Variants in TMEM164 observed in about 807,000 individuals in gnomAD.
TMEM164 encodes the protein transmembrane protein 164.
TMEM164 carries 4 observed loss-of-function variants against 18.8 expected under a neutral mutation model. The ratio of observed to expected loss-of-function variants is 0.21; its 90% CI spans 0.10 to 0.49. The LOEUF (loss-of-function observed/expected upper bound fraction) is 0.49. TMEM164 is among the 20% of genes least tolerant of loss of function. The pLI, the probability that TMEM164 is intolerant of heterozygous loss-of-function variation, is 0.98. For synonymous variants in TMEM164, 86 were observed against 101.7 expected (o/e 0.85, Z 0.93); for missense variants, 108 against 239.9 (o/e 0.45, Z 3.63).
intron 2 of TMEM164, among the ~76,000 whole-genome samples, chrX:110,056,941 TTA>T (rs3082794): frequency 6.7e-4 from 72 of 107,575 alleles, no homozygotes; most frequent in African/African-American, 2.2e-3. Flanking sequence ...AACTTAATGA[TTA>T]TATATATATA....
intron 5 of TMEM164, among the ~76,000 whole-genome samples, chrX:110,161,339 T>C (rs2067091239): frequency 9.0e-6 from 1 of 111,536 alleles, no homozygotes; most frequent in Non-Finnish European, 1.9e-5. Flanking sequence ...GTTAGAGAAG[T>C]TCCCCTCTTC....
In TMEM164 at chrX:110,031,610, G is replaced by T. The variant is rs149154528; in HGVS notation, c.390+27446G>T. Among the ~76,000 whole-genome samples, 988 of 111,620 alleles carry T rather than the reference G, an allele frequency of 8.9e-3. 17 individuals are homozygous for T. The highest frequency in any genetic ancestry group is 0.03 in the African/African-American group (932 of 30,771). On this transcript the variant is annotated intron_variant, in intron 2 of 6. Transcript: ENST00000372068. Reference sequence around the variant, plus strand: ...AGTGCTAGAATTACAGGCATGAGCTGCAGTGCCCTTCCCTAGTCCTCCTTT... The same window carrying T: ...AGTGCTAGAATTACAGGCATGAGCTTCAGTGCCCTTCCCTAGTCCTCCTTT...
chrX:110,159,003 A>C (rs2067055602), intron 5 of TMEM164, among the ~76,000 whole-genome samples: 1 of 112,423 alleles, frequency 8.9e-6, no homozygotes, highest in Non-Finnish European at 1.9e-5. Flanking sequence ...TGCTTATAAC[A>C]GTCCCTGTCA....
intron 4 of TMEM164, among the ~76,000 whole-genome samples, chrX:110,110,794 G>A (rs997736622): frequency 1.2e-4 from 13 of 112,189 alleles, no homozygotes; most frequent in Non-Finnish European, 2.3e-4. Context: ...CCAGGTGTTC[G>A]TAACTCACAG....
intron 4 of TMEM164, among the ~76,000 whole-genome samples, chrX:110,141,851 T>TACATCTTCTTCCCTTTCTCTC (rs1277077990): frequency 9.0e-6 from 1 of 111,648 alleles, no homozygotes; most frequent in African/African-American, 3.2e-5. Context: ...CCCTTTCTCT[T>TACATCTTCTTCCCTTTCTCTC]ACATCTTCTT....
intron 4 of TMEM164, among the ~76,000 whole-genome samples, chrX:110,131,154 A>G (rs1192784369): frequency 8.9e-6 from 1 of 112,051 alleles, no homozygotes; most frequent in Admixed American, 9.4e-5. Flanking sequence ...AATGACTGCC[A>G]GGCCCACTGG....
At chrX:110,091,480 G>GT (rs1255361343) in intron 3 of TMEM164, among the ~76,000 whole-genome samples, 1 of 112,251 alleles carries the variant, frequency 8.9e-6, no homozygotes, top group African/African-American at 3.2e-5. Context: ...ATTTTTTCAT[G>GT]TGTCTTTTGG....
intron 6 of TMEM164, 152 bp downstream of exon 6, chrX:110,171,672 A>G: frequency 1.8e-6 from 1 of 541,225 alleles, no homozygotes; most frequent in South Asian, 2.6e-5. Flanking sequence ...TTGCTGATTT[A>G]TGATCTACAG....
intron 2 of TMEM164, among the ~76,000 whole-genome samples, chrX:110,059,868 A>G: frequency 9.0e-6 from 1 of 111,651 alleles, no homozygotes; most frequent in East Asian, 2.8e-4. Context: ...TGAAGGAAAA[A>G]CACTGGATAC....
At chrX:110,108,828 T>C (rs778054748) in intron 3 of TMEM164, among the ~76,000 whole-genome samples, 1 of 112,381 alleles carries the variant, frequency 8.9e-6, no homozygotes, top group Admixed American at 9.4e-5. Context: ...TAATAAAGTG[T>C]TGTAACCAAA....
intron 4 of TMEM164, among the ~76,000 whole-genome samples, chrX:110,115,477 G>A (rs1364668550): frequency 9.0e-6 from 1 of 111,603 alleles, no homozygotes; most frequent in Non-Finnish European, 1.9e-5. Context: ...AGGATGTGGG[G>A]GGTATTGAGA....
At chrX:110,080,468 G>C in intron 3 of TMEM164, among the ~76,000 whole-genome samples, 1 of 111,632 alleles carries the variant, frequency 9.0e-6, no homozygotes, top group Middle Eastern at 4.6e-3. Context: ...GATACGGTCT[G>C]ATAAAGCAGA....
intron 6 of TMEM164, 133 bp from the exon 7 acceptor site, chrX:110,173,112 C>A: frequency 1.6e-6 from 1 of 614,701 alleles, no homozygotes; most frequent in Non-Finnish European, 2.5e-6. Context: ...AGAAGAAATC[C>A]CTTTATAAAC....
intron 3 of TMEM164, among the ~76,000 whole-genome samples, chrX:110,084,477 T>TATAG (rs1460505105): frequency 2.0e-5 from 1 of 48,946 alleles, no homozygotes; most frequent in East Asian, 1.1e-3. Flanking sequence ...TATATATATA[T>TATAG]AGAGAGAGAG....
intron 4 of TMEM164, among the ~76,000 whole-genome samples, chrX:110,116,032 G>T (rs2066358549): frequency 8.9e-6 from 1 of 111,892 alleles, no homozygotes; most frequent in African/African-American, 3.2e-5. Context: ...GGTCGAGGCG[G>T]TGGTGAGCTA....
At chrX:110,119,127 A>G (rs1369822089) in intron 4 of TMEM164, among the ~76,000 whole-genome samples, 5 of 111,762 alleles carry the variant, frequency 4.5e-5, no homozygotes, top group Non-Finnish European at 9.4e-5. Flanking sequence ...CAAAAGACAT[A>G]TTTACTGTTG....
At chrX:110,050,161 C>T (rs905872077) in intron 2 of TMEM164, among the ~76,000 whole-genome samples, 12 of 111,591 alleles carry the variant, frequency 1.1e-4, no homozygotes, top group African/African-American at 3.6e-4. Context: ...CTTTCTGGGC[C>T]GAGGGAACCA....
chrX:110,062,103 C>A (rs1290439461), intron 2 of TMEM164, among the ~76,000 whole-genome samples: 2 of 112,000 alleles, frequency 1.8e-5, no homozygotes, highest in Non-Finnish European at 3.8e-5. Context: ...ATTTAAAAAG[C>A]TTCCATAAAT....
intron 3 of TMEM164, among the ~76,000 whole-genome samples, chrX:110,087,499 AT>A (rs1188722878): frequency 9.0e-6 from 1 of 111,517 alleles, no homozygotes; most frequent in Non-Finnish European, 1.9e-5. Context: ...GGGAACAGAG[AT>A]TAAGGTTTTC....
Sources: allele counts gnomAD v4.1 joint callset (sites outside exome capture counted in the v4.1 genomes callset), GRCh38; gene constraint gnomAD v4.1.1; transcripts MANE v1.5; gene names NCBI Gene and HGNC (gene_info 2026-07-23, HGNC 2026-07-21).